Variants in DPH7 observed in about 807,000 individuals in gnomAD.
DPH7 encodes diphthamide biosynthesis 7.
A neutral mutation model predicts 41.7 loss-of-function variants in DPH7; 44 were observed. The ratio of observed to expected loss-of-function variants is 1.05; its 90% CI spans 0.83 to 1.36. The LOEUF is 1.36. DPH7 is among the 40% of genes most tolerant of loss of function. The probability of loss-of-function intolerance (pLI) is 0.00; values close to 1 mark genes in which losing one functional copy is unlikely to be tolerated. For missense variants in DPH7, 629 were observed against 577.5 expected (o/e 1.09, Z -0.91); for synonymous variants, 275 against 238.0 (o/e 1.16, Z -1.43).
In DPH7 at chr9:137,577,330, G is replaced by A. The variant is rs1841583550; in HGVS notation, c.287+140C>T. 3.5e-6 allele frequency: 3 copies of A among 849,736 alleles called. No homozygotes were observed. The African/African-American group carries it at 5.1e-5, about 14-fold the overall frequency. The allele number at this position is 849,736 out of a possible 1,614,324, so 52.6% of individuals were successfully genotyped here. A position where few individuals can be genotyped will look rare whatever the true frequency, so the allele number is the denominator to read the frequency against. On this transcript the variant is annotated intron_variant, in intron 2 of 8. Transcript: ENST00000277540. ...AAGCCCCAGGTAAAGCACTCCCCAG[G>A]TGGAAGATAGGCGGGACAGCAAAGA...
intron 8 of DPH7, among the ~76,000 whole-genome samples, chr9:137,557,700 T>C (rs1461173915): frequency 6.6e-6 from 1 of 151,528 alleles, no homozygotes; most frequent in East Asian, 1.9e-4. Context: ...ATGCCTGTAG[T>C]CCCAGCTACA....
intron 4 of DPH7, 73 bp downstream of exon 4, chr9:137,574,679 A>T: frequency 7.0e-7 from 1 of 1,422,154 alleles, no homozygotes; most frequent in South Asian, 1.2e-5. Flanking sequence ...AGGTGGCTGG[A>T]GCCCTCTAGC....
rs780286793 is a variant in DPH7 at position 137,577,500 on chromosome 9, TTTC to T, written c.254_256del (p.Arg85del). 97 of 1,613,976 alleles carry T rather than the reference TTTC, an allele frequency of 6.0e-5. No individual in the cohort carries two copies. Among genetic ancestry groups the T allele is most frequent in the Non-Finnish European group, 7.7e-5 (91 of 1,180,000 alleles). Reference sequence around the variant, plus strand: ...CATGTCCAGGATTGCAGAAGTATCTTTTCTTTGGACCTCGACCAGAGGGTGAAT... The same window carrying T: ...CATGTCCAGGATTGCAGAAGTATCTTTTTGGACCTCGACCAGAGGGTGAAT... On this transcript the variant is annotated inframe_deletion, in exon 2 of 9. Transcript: ENST00000277540.
intron 2 of DPH7, among the ~76,000 whole-genome samples, chr9:137,576,773 C>T (rs1259058559): frequency 1.3e-5 from 2 of 152,138 alleles, no homozygotes; most frequent in Non-Finnish European, 2.9e-5. Context: ...GCCTGTAGAC[C>T]GAGCTCTTAG....
In DPH7 at chr9:137,564,961, G is replaced by A. The variant is rs1320602787; in HGVS notation, c.711-3C>T. 3 of 1,593,696 alleles carry A rather than the reference G, an allele frequency of 1.9e-6. No individual in the cohort carries two copies. Among genetic ancestry groups the A allele is most frequent in the Non-Finnish European group, 2.6e-6 (3 of 1,169,940 alleles). ...TGCTGCACACACCCATGGTGTGTCTGCAAGCAGAGGCGGCTTCTGAACCAG... is the reference window on the plus strand; with the variant it reads ...TGCTGCACACACCCATGGTGTGTCTACAAGCAGAGGCGGCTTCTGAACCAG... On this transcript the variant is annotated splice_region_variant and splice_polypyrimidine_tract_variant and intron_variant, in intron 6 of 8. Transcript: ENST00000277540.
chr9:137,571,725 T>C (rs1840474514), intron 5 of DPH7, among the ~76,000 whole-genome samples: 1 of 151,780 alleles, frequency 6.6e-6, no homozygotes, highest in South Asian at 2.1e-4. Context: ...GAGGTGGAGG[T>C]TGCAATGAGC....
At chr9:137,574,063 TC>T in intron 5 of DPH7, 144 bp downstream of exon 5, 1 of 934,306 alleles carries the variant, frequency 1.1e-6, no homozygotes, top group Non-Finnish European at 1.6e-6. Flanking sequence ...AGACTCAGTT[TC>T]AAAAAAAAAA....
Position 137,555,203 on chromosome 9 carries a change from G to A in DPH7, c.*36C>T. 1 of 1,556,388 alleles carries A rather than the reference G, an allele frequency of 6.4e-7. No individual in the cohort carries two copies. The highest frequency in any genetic ancestry group is 8.7e-7 in the Non-Finnish European group (1 of 1,149,646). Reference sequence around the variant, plus strand: ...GGCACTCACTCGCAGTCTCCCTCCTGGTTTCCTTGTGGGAAGGGGCTTCAT... The same window carrying A: ...GGCACTCACTCGCAGTCTCCCTCCTAGTTTCCTTGTGGGAAGGGGCTTCAT... On this transcript the variant is annotated 3_prime_UTR_variant, in exon 9 of 9. Transcript: ENST00000277540.
At chr9:137,573,824 T>A (rs1840907917) in intron 5 of DPH7, among the ~76,000 whole-genome samples, 1 of 151,796 alleles carries the variant, frequency 6.6e-6, no homozygotes, top group South Asian at 2.1e-4. Context: ...TCCCAACACT[T>A]TGGGAGGCTG....
chr9:137,556,849 C>T lies in DPH7; in HGVS notation c.950-1201G>A. 1 of 456,684 alleles carries T rather than the reference C, an allele frequency of 2.2e-6. No homozygotes were observed. Among genetic ancestry groups the T allele is most frequent in the South Asian group, 1.5e-5 (1 of 64,558 alleles). 28.3% of individuals were successfully genotyped at this position (456,684 alleles called of 1,614,324 possible). A position where few individuals can be genotyped will look rare whatever the true frequency, so the allele number is the denominator to read the frequency against. ...AAGGTAATAAGGCAGAGTCTAAGCCCTCAGAGAGCCACAGCCTGGGAAAAA... is the reference window on the plus strand; with the variant it reads ...AAGGTAATAAGGCAGAGTCTAAGCCTTCAGAGAGCCACAGCCTGGGAAAAA... On this transcript the variant is annotated intron_variant, in intron 8 of 8. Transcript: ENST00000277540. This position sits in a 1 kb window ranked among gnomAD's most constrained non-coding sequence, Gnocchi z 5.2.
rs951298669 is a variant in DPH7, at chr9:137,556,738, G to T, written c.950-1090C>A. The T allele has an allele frequency of 1.3e-5, 6 of 448,170 alleles. No individual in the cohort carries two copies. The Admixed American group carries it at 1.4e-4, about 11-fold the overall frequency. The allele number at this position is 448,170 out of a possible 1,614,324, so 27.8% of individuals were successfully genotyped here. A position where few individuals can be genotyped will look rare whatever the true frequency, so the allele number is the denominator to read the frequency against. The stretch of plus-strand genomic sequence containing the variant: ...GTCCCTTGGGAGGTAGCGTCACAGG[G>T]CAGGCAGGACCTCCGCTAGTCTTTC... On this transcript the variant is annotated intron_variant, in intron 8 of 8. Transcript: ENST00000277540. The surrounding 1 kb of genome is among the most constrained non-coding windows in gnomAD (Gnocchi z 5.2).
At position 137,574,172 on chromosome 9, in the gene DPH7, C is replaced by G. The variant is rs201966475; in HGVS notation, c.640+36G>C. 4.4e-5 allele frequency: 70 copies of G among 1,596,976 alleles called. No homozygotes were observed. The African/African-American group carries it at 8.4e-4, about 19-fold the overall frequency. On this transcript the variant is annotated intron_variant, in intron 5 of 8. Transcript: ENST00000277540. The stretch of plus-strand genomic sequence containing the variant: ...CTCCCTCCGCCCCTTCCTCAGCAAG[C>G]CTTCCATCAGAGGTGACCGGTGGAG...
At position 137,574,432 on chromosome 9, in the gene DPH7, T is replaced by A. The variant is rs776089731; in HGVS notation, c.468-52A>T. On this transcript the variant is annotated intron_variant, in intron 4 of 8. Coordinates refer to ENST00000277540, the MANE Select transcript of DPH7 (RefSeq NM_138778.5). ...CCCGGCAGAATGTTATTCGTCAGCC[T>A]CTTCTGGTTCCCAAACAAGTCCTGA... is the stretch of plus-strand genomic sequence containing the variant. The A allele has an allele frequency of 1.9e-6, 3 of 1,588,000 alleles. No homozygotes were observed. In the South Asian group the frequency reaches 3.3e-5, roughly 18 times the overall value.
At position 137,573,360 on chromosome 9, in the gene DPH7, CAAAA is replaced by C. The variant is rs34523698; in HGVS notation, c.640+844_640+847del. 7.4e-5 allele frequency among the ~76,000 whole-genome samples: 3 copies of C among 40,278 alleles called. No homozygotes were observed. The Admixed American group carries it at 1.1e-3, about 15-fold the overall frequency. The allele number at this position is 40,278 out of a possible 152,430, so 26.4% of individuals were successfully genotyped here. A position where few individuals can be genotyped will look rare whatever the true frequency, so the allele number is the denominator to read the frequency against. On this transcript the variant is annotated intron_variant, in intron 5 of 8. Transcript: ENST00000277540. ...TAGGCAACAGAGCAAGACTCCATCT[CAAAA>C]AAAAAAAAAAAAAAAAAAAGAATAG...
At chr9:137,572,322 G>A (rs1240673686) in intron 5 of DPH7, among the ~76,000 whole-genome samples, 1 of 152,236 alleles carries the variant, frequency 6.6e-6, no homozygotes, top group Non-Finnish European at 1.5e-5. Flanking sequence ...AACAAGGCCG[G>A]AGAAGCAGGC....
At chr9:137,578,588 G>GGC in intron 1 of DPH7, 37 bp downstream of exon 1, 6 of 1,436,744 alleles carry the variant, frequency 4.2e-6, no homozygotes, top group Non-Finnish European at 3.6e-6. Context: ...CTCGTGGCCG[G>GGC]CCCCGCCCTC....
At chr9:137,575,148 C>T (rs2149561) in intron 3 of DPH7, 43,872 of 1,098,002 alleles carry the variant, frequency 0.04, 979 homozygotes, top group Middle Eastern at 0.048. Context: ...TAGATGCTGT[C>T]GAGATGCCTG....
intron 5 of DPH7, among the ~76,000 whole-genome samples, chr9:137,568,605 C>T (rs1397161035): frequency 1.3e-5 from 2 of 152,084 alleles, no homozygotes; most frequent in African/African-American, 4.8e-5. Flanking sequence ...GGAAGTTCCC[C>T]TGGTGACTTT....
intron 8 of DPH7, among the ~76,000 whole-genome samples, chr9:137,562,124 A>G (rs1035559230): frequency 6.6e-6 from 1 of 152,170 alleles, no homozygotes; most frequent in Non-Finnish European, 1.5e-5. Flanking sequence ...TCAGCCTCCC[A>G]AAGTACTGGG....
Sources: allele counts gnomAD v4.1 joint callset (sites outside exome capture counted in the v4.1 genomes callset), GRCh38; gene constraint gnomAD v4.1.1; non-coding constraint Gnocchi (gnomAD v3.1); transcripts MANE v1.5; gene names NCBI Gene and HGNC (gene_info 2026-07-23, HGNC 2026-07-21).